Variants in SYNGR4 observed in about 807,000 individuals in gnomAD.
SYNGR4 encodes the protein synaptogyrin 4, also known as synaptogyrin-4.
A neutral mutation model predicts 15.5 loss-of-function variants in SYNGR4; 15 were observed. The observed-to-expected ratio is 0.97, with a 90% CI of 0.65 to 1.49. The LOEUF (loss-of-function observed/expected upper bound fraction) is 1.49. Ranked by LOEUF, SYNGR4 falls within the 40% of genes most tolerant of loss-of-function variation. The pLI is 0.00. For synonymous variants in SYNGR4, 121 were observed against 127.4 expected (o/e 0.95, Z 0.34); for missense variants, 292 against 299.3 (o/e 0.98, Z 0.18).
At chr19:48,371,491 G>A (rs1370184270) in intron 2 of SYNGR4, among the ~76,000 whole-genome samples, 1 of 152,188 alleles carries the variant, frequency 6.6e-6, no homozygotes, top group Non-Finnish European at 1.5e-5. Flanking sequence ...GCGTGGTCCA[G>A]TGTGAGGAAG....
At chr19:48,375,587 C>T (rs1970388550) in intron 3 of SYNGR4, 26 bp from the exon 4 acceptor site, 1 of 1,598,692 alleles carries the variant, frequency 6.3e-7, no homozygotes, top group Non-Finnish European at 8.6e-7. Context: ...TCCCCCTGCC[C>T]CTTTTCTCTC....
At chr19:48,365,506 TC>T (rs1452478988) in intron 1 of SYNGR4, among the ~76,000 whole-genome samples, 1 of 124,550 alleles carries the variant, frequency 8.0e-6, no homozygotes, top group Non-Finnish European at 1.7e-5. Flanking sequence ...ACAACCTCAT[TC>T]CCTGGGACCC....
intron 3 of SYNGR4, among the ~76,000 whole-genome samples, chr19:48,374,703 C>A (rs894873070): frequency 1.8e-4 from 28 of 152,128 alleles, no homozygotes; most frequent in African/African-American, 6.8e-4. Flanking sequence ...TGGCCGGGGA[C>A]GGTGGCTCAC....
chr19:48,375,835 C>G (rs1970393755), intron 4 of SYNGR4, 83 bp downstream of exon 4: 4 of 1,555,644 alleles, frequency 2.6e-6, no homozygotes, highest in Non-Finnish European at 3.5e-6. Context: ...CATTCCTGCT[C>G]TCACTTAGCT....
At chr19:48,370,872 T>C (rs1970294321) in intron 2 of SYNGR4, among the ~76,000 whole-genome samples, 1 of 152,172 alleles carries the variant, frequency 6.6e-6, no homozygotes, top group African/African-American at 2.4e-5. Flanking sequence ...GGCCTCAGCC[T>C]TTCTCACCTG....
chr19:48,365,654 C>CCTGTCCCCCA, intron 1 of SYNGR4, 82 bp from the exon 2 acceptor site: 1 of 335,112 alleles, frequency 3.0e-6, no homozygotes, highest in Non-Finnish European at 5.8e-6. Flanking sequence ...ATCCCCACCC[C>CCTGTCCCCCA]ATGTCCCCCA....
chr19:48,375,968 G>A, intron 4 of SYNGR4, 117 bp from the exon 5 acceptor site: 2 of 1,554,602 alleles, frequency 1.3e-6, no homozygotes, highest in Non-Finnish European at 1.7e-6. Context: ...CTCCTGGGCA[G>A]TGAGCAGTCC....
At position 48,376,262 on chromosome 19, in the gene SYNGR4, T is replaced by G; in HGVS notation, c.649T>G (p.Ser217Ala). ...CCTGAGTTATGCTAGCTCTGCCCTGTCCCCCTGTCTGACCGCTCCAAAGTC... is the reference window on the plus strand; with the variant it reads ...CCTGAGTTATGCTAGCTCTGCCCTGGCCCCCTGTCTGACCGCTCCAAAGTC... Reference protein sequence around the residue: ...NSLSYASSALSPCLTAPKSPR... With the variant: ...NSLSYASSALAPCLTAPKSPR... Residue 217 changes from serine to alanine, a missense_variant, in exon 5 of 5, where the codon TCC (serine) becomes GCC (alanine). By Grantham distance (99) the Ser-to-Ala change is moderately conservative. Coordinates refer to ENST00000344846, the MANE Select transcript of SYNGR4 (RefSeq NM_012451.4). 6.2e-7 allele frequency: 1 copy of G among 1,613,662 alleles called. No individual in the cohort carries two copies. The highest frequency in any genetic ancestry group is 1.1e-5 in the South Asian group (1 of 91,064).
Position 48,373,712 on chromosome 19 carries a change from C to G in SYNGR4, c.289C>G (p.Arg97Gly). Residue 97 changes from arginine (R) to glycine (G), a missense_variant, in exon 3 of 5, where the codon CGC becomes GGC. Transcript: ENST00000344846. ...ACAGGAGACCCGCATTGCCGGCACCCGCTTCAAGACAGCCTTCCAGCTCCT... is the reference window on the plus strand; with the variant it reads ...ACAGGAGACCCGCATTGCCGGCACCGGCTTCAAGACAGCCTTCCAGCTCCT... ...DTQETRIAGT[R>G]FKTAFQLLDF... 1 of 1,614,040 alleles carries G rather than the reference C, an allele frequency of 6.2e-7. No individual in the cohort carries two copies. Among genetic ancestry groups the G allele is most frequent in the South Asian group, 1.1e-5 (1 of 91,084 alleles).
chr19:48,375,939 C>G, intron 4 of SYNGR4, 146 bp from the exon 5 acceptor site: 1 of 1,526,850 alleles, frequency 6.5e-7, no homozygotes, highest in Non-Finnish European at 8.7e-7. Context: ...AGCATCAGGG[C>G]CTGTGCTTTG....
chr19:48,376,026 T>C (rs1354404308), intron 4 of SYNGR4, 59 bp from the exon 5 acceptor site: 1 of 1,612,586 alleles, frequency 6.2e-7, no homozygotes, highest in Non-Finnish European at 8.5e-7. Flanking sequence ...CCCAGCCCAG[T>C]CCCTCTCCTG....
intron 2 of SYNGR4, among the ~76,000 whole-genome samples, chr19:48,368,470 T>C (rs193191834): frequency 4.6e-5 from 7 of 152,206 alleles, no homozygotes; most frequent in Non-Finnish European, 7.4e-5. Flanking sequence ...ACTGCAACTT[T>C]CGCCTCCTGG....
Position 48,365,917 on chromosome 19 carries a change from C to T in SYNGR4, c.75C>T (p.Ile25=), listed in dbSNP as rs752940638. The change falls in exon 2 of 5, where the codon ATC becomes ATT. Residue 25 remains isoleucine (I), a synonymous_variant. Coordinates refer to ENST00000344846, the MANE Select transcript of SYNGR4 (RefSeq NM_012451.4). The stretch of plus-strand genomic sequence containing the variant: ...AGTTTCTGAGAAGGCCCAAGACCAT[C>T]ACGCGGGTCTTCGAAGGGGTGAGGC... ...AVQFLRRPKT[I]TRVFEGVFSL... The T allele has an allele frequency of 1.2e-6, 2 of 1,613,818 alleles. No homozygotes were observed. The highest frequency in any genetic ancestry group is 2.2e-5 in the South Asian group (2 of 91,080).
chr19:48,371,294 A>G (rs1464711014), intron 2 of SYNGR4, among the ~76,000 whole-genome samples: 2 of 152,004 alleles, frequency 1.3e-5, no homozygotes. Flanking sequence ...CCAGCCCTCA[A>G]TCTGGCTTCC....
chr19:48,365,017 A>T (rs989350619), intron 1 of SYNGR4, among the ~76,000 whole-genome samples: 1 of 149,664 alleles, frequency 6.7e-6, no homozygotes, highest in African/African-American at 2.5e-5. Flanking sequence ...CCCTTCACTT[A>T]TGTCCCCCAC....
chr19:48,365,636 C>A (rs749742394), intron 1 of SYNGR4, 100 bp from the exon 2 acceptor site: 5 of 139,170 alleles, frequency 3.6e-5, no homozygotes, highest in Non-Finnish European at 6.7e-5. Context: ...ATTCCGGGGA[C>A]CCCCCCCATC....
At chr19:48,371,317 T>C (rs944116340) in intron 2 of SYNGR4, among the ~76,000 whole-genome samples, 6 of 151,434 alleles carry the variant, frequency 4.0e-5, no homozygotes. Context: ...CTTGACTCTC[T>C]CCCCCACCCC....
chr19:48,365,672 G>T, intron 1 of SYNGR4, 64 bp from the exon 2 acceptor site: 1 of 527,940 alleles, frequency 1.9e-6, no homozygotes, highest in Non-Finnish European at 3.3e-6. Context: ...CCAATCCTGG[G>T]GCCCCCAACA....
Position 48,376,066 on chromosome 19 carries a change from C to T in SYNGR4, c.472-19C>T, listed in dbSNP as rs776600371. ...GCCCAGCCCAAGTCAGCCTTCAGCA[C>T]GCGCTTTTCTGCCCACAGATATTCC... On this transcript the variant is annotated intron_variant, in intron 4 of 4. Coordinates refer to ENST00000344846, the MANE Select transcript of SYNGR4 (RefSeq NM_012451.4). 46 of 1,613,996 alleles carry T rather than the reference C, an allele frequency of 2.9e-5. 1 individual carries two copies. The highest frequency in any genetic ancestry group is 2.7e-4 in the South Asian group (25 of 91,084).
Sources: gnomAD v4.1 joint callset for allele counts (sites outside exome capture counted in the v4.1 genomes callset) on GRCh38, gnomAD v4.1.1 for gene constraint, MANE v1.5 for transcripts, NCBI Gene and HGNC (gene_info 2026-07-23, HGNC 2026-07-21) for gene names.